Variants in PTPRD observed in about 807,000 individuals in gnomAD.
PTPRD encodes the protein receptor-type tyrosine-protein phosphatase delta.
In PTPRD, 34 loss-of-function variants were observed where a neutral mutation model predicts 214.5. The ratio of observed to expected loss-of-function variants is 0.16; its 90% CI spans 0.12 to 0.21. The LOEUF is 0.21. Ranked by LOEUF, PTPRD falls within the 10% of genes least tolerant of loss-of-function variation. The pLI, the probability that PTPRD is intolerant of heterozygous loss-of-function variation, is 1.00. For synonymous variants in PTPRD, 1,128 were observed against 845.7 expected, an observed-to-expected ratio of 1.33 and a Z score of -5.79; for missense variants, 2,545 against 2,398.7, an observed-to-expected ratio of 1.06 and a Z score of -1.27.
rs141641059 is a variant in PTPRD at position 9,367,486 on chromosome 9, C to G, written c.-203+29963G>C. Among the ~76,000 whole-genome samples the G allele has an allele frequency of 4.4e-3, 663 of 151,654 alleles. 2 individuals are homozygous for G. The highest frequency in any genetic ancestry group is 0.014 in the African/African-American group (586 of 41,420). On this transcript the variant is annotated intron_variant, in intron 9 of 45. Coordinates refer to ENST00000381196, the MANE Select transcript of PTPRD (RefSeq NM_002839.4). Reference sequence around the variant, plus strand: ...TCTCTCCCAATTGTAAGTAAAGTTACAAATGAAATACATAAATTTGATAAC... The same window carrying G: ...TCTCTCCCAATTGTAAGTAAAGTTAGAAATGAAATACATAAATTTGATAAC...
chr9:9,609,761 C>T (rs1039424945), intron 7 of PTPRD, among the ~76,000 whole-genome samples: 2 of 152,152 alleles, frequency 1.3e-5, no homozygotes, highest in African/African-American at 4.8e-5. Flanking sequence ...CCGCACCTGG[C>T]ACAATGTGAA....
intron 2 of PTPRD, among the ~76,000 whole-genome samples, chr9:10,455,758 T>A (rs2098909863): frequency 6.6e-6 from 1 of 151,760 alleles, no homozygotes; most frequent in Non-Finnish European, 1.5e-5. Flanking sequence ...TTGTTCAAAA[T>A]TTCAGCGATG....
chr9:8,677,728 C>T (rs1034442494), intron 12 of PTPRD, among the ~76,000 whole-genome samples: 5 of 152,142 alleles, frequency 3.3e-5, no homozygotes, highest in Non-Finnish European at 7.3e-5. Context: ...TAAAGTGGAA[C>T]ATCAAGTACC....
At chr9:9,856,192 C>G (rs968944634) in intron 5 of PTPRD, among the ~76,000 whole-genome samples, 1 of 152,136 alleles carries the variant, frequency 6.6e-6, no homozygotes, top group African/African-American at 2.4e-5. Context: ...AGTCAAGCCG[C>G]TTCTGACATC....
intron 5 of PTPRD, among the ~76,000 whole-genome samples, chr9:9,927,304 C>A (rs1020989649): frequency 6.6e-6 from 1 of 152,104 alleles, no homozygotes; most frequent in Non-Finnish European, 1.5e-5. Context: ...TCTGTGTTTT[C>A]TTTTCAGTAT....
intron 7 of PTPRD, among the ~76,000 whole-genome samples, chr9:9,578,327 T>C (rs1592063900): frequency 6.6e-6 from 1 of 152,104 alleles, no homozygotes; most frequent in East Asian, 1.9e-4. Context: ...TTTCTGTAGA[T>C]AAATGCCTTT....
rs2140371772 is a variant in PTPRD, at chr9:9,382,471, A to G, written c.-203+14978T>C. Among the ~76,000 whole-genome samples, 3 of 152,270 alleles carry G rather than the reference A, an allele frequency of 2.0e-5. No homozygotes were observed. The South Asian group carries it at 6.2e-4, about 32-fold the overall frequency. On this transcript the variant is annotated intron_variant, in intron 9 of 45. Coordinates refer to ENST00000381196, the MANE Select transcript of PTPRD (RefSeq NM_002839.4). Reference sequence around the variant, plus strand: ...CCAAAATATGTAAGAATCTCCTACAACTAAATAGCAAAAACACAAATAACC... The same window carrying G: ...CCAAAATATGTAAGAATCTCCTACAGCTAAATAGCAAAAACACAAATAACC...
At chr9:9,145,504 T>C (rs542636818) in intron 10 of PTPRD, among the ~76,000 whole-genome samples, 78 of 152,330 alleles carry the variant, frequency 5.1e-4, no homozygotes, top group African/African-American at 1.8e-3. Context: ...AATGCTTTAA[T>C]TTCTAAGTTA....
intron 2 of PTPRD, among the ~76,000 whole-genome samples, chr9:10,496,831 A>T (rs1212495722): frequency 6.6e-6 from 1 of 152,072 alleles, no homozygotes; most frequent in East Asian, 1.9e-4. Context: ...GAACTGCTTA[A>T]GTTCCCTATA....
chr9:8,320,501 G>C (rs10733545), intron 44 of PTPRD, among the ~76,000 whole-genome samples: 73,266 of 151,890 alleles, frequency 0.48, 19,101 homozygotes, highest in African/African-American at 0.67. Flanking sequence ...AAAAGAGATG[G>C]TATAACAGGG....
chr9:8,779,881 T>C (rs1167605986), intron 11 of PTPRD, among the ~76,000 whole-genome samples: 6 of 151,730 alleles, frequency 4.0e-5, no homozygotes, highest in African/African-American at 1.5e-4. Context: ...ACAAGAGATG[T>C]CATTTATCTT....
chr9:8,597,528 A>C (rs1193305349), intron 14 of PTPRD, among the ~76,000 whole-genome samples: 3 of 152,190 alleles, frequency 2.0e-5, no homozygotes, highest in African/African-American at 7.2e-5. Flanking sequence ...AAAAGGAGAA[A>C]ATATTTTTAC....
chr9:10,559,214 C>T (rs958514051), intron 2 of PTPRD, among the ~76,000 whole-genome samples: 1 of 152,094 alleles, frequency 6.6e-6, no homozygotes, highest in Non-Finnish European at 1.5e-5. Flanking sequence ...ATCTTAAGGA[C>T]ATTTTATATG....
At chr9:8,832,446 C>G (rs1333878693) in intron 11 of PTPRD, among the ~76,000 whole-genome samples, 1 of 125,182 alleles carries the variant, frequency 8.0e-6, no homozygotes, top group Non-Finnish European at 1.6e-5. Context: ...TAACACTTCA[C>G]AATGTGAAAA....
Position 8,733,701 on chromosome 9 carries a change from G to C in PTPRD, c.64+79C>G, listed in dbSNP as rs556216909. 3.7e-5 allele frequency: 52 copies of C among 1,386,974 alleles called. No individual in the cohort carries two copies. The African/African-American group carries it at 7.0e-4, about 19-fold the overall frequency. 85.9% of individuals were successfully genotyped at this position (1,386,974 alleles called of 1,614,324 possible). ...TACTTCCAAAGGAAATGTATTCAGA[G>C]GCCCTGAGCCTGGTGCCAACTGCAA... On this transcript the variant is annotated intron_variant, in intron 12 of 45. Coordinates refer to ENST00000381196, the MANE Select transcript of PTPRD (RefSeq NM_002839.4).
chr9:8,838,966 G>C (rs1187546924), intron 11 of PTPRD, among the ~76,000 whole-genome samples: 1 of 152,066 alleles, frequency 6.6e-6, no homozygotes, highest in Non-Finnish European at 1.5e-5. Flanking sequence ...TAAAGATCCT[G>C]TATGTTAAAA....
At chr9:8,480,451 C>A (rs2096857117) in intron 30 of PTPRD, among the ~76,000 whole-genome samples, 1 of 152,146 alleles carries the variant, frequency 6.6e-6, no homozygotes, top group Non-Finnish European at 1.5e-5. Flanking sequence ...CTTCAGTGAA[C>A]TCTTTGCTTG....
intron 11 of PTPRD, among the ~76,000 whole-genome samples, chr9:8,934,804 ACT>A (rs1416674350): frequency 6.6e-6 from 1 of 151,230 alleles, no homozygotes; most frequent in Admixed American, 6.6e-5. Context: ...CCACCATCGT[ACT>A]CTCTGCATCT....
At chr9:8,741,731 C>T (rs1207161301) in intron 11 of PTPRD, among the ~76,000 whole-genome samples, 3 of 151,626 alleles carry the variant, frequency 2.0e-5, no homozygotes, top group African/African-American at 7.3e-5. Flanking sequence ...GCTGGGACTA[C>T]AGGCACACAT....
Sources: gnomAD v4.1 joint callset for allele counts (sites outside exome capture counted in the v4.1 genomes callset) on GRCh38, gnomAD v4.1.1 for gene constraint, MANE v1.5 for transcripts, NCBI Gene and HGNC (gene_info 2026-07-23, HGNC 2026-07-21) for gene names.